MAST2: variants seen among roughly 807,000 people sequenced by gnomAD.
MAST2 encodes the protein microtubule-associated serine/threonine-protein kinase 2.
Under a neutral mutation model 147.4 loss-of-function variants are expected in MAST2, and 70 were observed. The observed-to-expected ratio is 0.47, with a 90% CI of 0.39 to 0.58. The LOEUF is 0.58. Among genes scored for constraint, MAST2 ranks in the 20% least tolerant of loss-of-function variants. MAST2 has a pLI of 0.00. For synonymous variants in MAST2, 869 were observed against 896.8 expected (o/e 0.97, Z 0.55); for missense variants, 2,080 against 2,302.3 (o/e 0.90, Z 1.98).
chr1:45,971,471 A>G (rs1643910241), intron 5 of MAST2, among the ~76,000 whole-genome samples: 1 of 152,210 alleles, frequency 6.6e-6, no homozygotes, highest in African/African-American at 2.4e-5. Context: ...AAGGCTGTGG[A>G]AAGGTGTCTG....
At chr1:45,885,949 G>T (rs1647061964) in intron 4 of MAST2, among the ~76,000 whole-genome samples, 1 of 151,972 alleles carries the variant, frequency 6.6e-6, no homozygotes, top group Non-Finnish European at 1.5e-5. Flanking sequence ...GGGGGTGAGG[G>T]TTTAAATTTT....
intron 1 of MAST2, among the ~76,000 whole-genome samples, chr1:45,805,142 T>C (rs1025921726): frequency 5.9e-5 from 9 of 151,266 alleles, no homozygotes; most frequent in Non-Finnish European, 1.0e-4. Flanking sequence ...CTCCACCTCC[T>C]GGGTTCAGCG....
chr1:46,023,834 A>G lies in MAST2; in HGVS notation c.1634A>G (p.Lys545Arg). ...RQRFAMKKIN[K>R]QNLILRNQIQ... ...CGCTTTGCCATGAAGAAGATCAACA[A>G]GCAGAACCTGATCCTACGGAACCAG... Residue 545 changes from lysine (K) to arginine (R), a missense_variant, in exon 15 of 29, where the codon AAG becomes AGG. Lys to Arg is a conservative substitution (Grantham distance 26, BLOSUM62 2). This residue lies in a region of MAST2 where 569 missense variants were observed against 642.5 expected (regional missense o/e 0.89). Transcript: ENST00000361297. The surrounding 1 kb of genome is among the most constrained non-coding windows in gnomAD (Gnocchi z 4.9). 6.2e-7 allele frequency: 1 copy of G among 1,614,122 alleles called. No individual in the cohort carries two copies. The highest frequency in any genetic ancestry group is 8.5e-7 in the Non-Finnish European group (1 of 1,180,028).
At chr1:45,894,706 C>T (rs2148429866) in intron 4 of MAST2, among the ~76,000 whole-genome samples, 1 of 152,302 alleles carries the variant, frequency 6.6e-6, no homozygotes. Context: ...AGCCAAAATT[C>T]ACATTCCGAG....
chr1:45,997,590 CAT>C (rs1368945611), intron 5 of MAST2, 132 bp from the exon 6 acceptor site: 2 of 697,766 alleles, frequency 2.9e-6, no homozygotes, highest in African/African-American at 3.6e-5. Context: ...GAAAGAGACT[CAT>C]TAAACTGATA....
At chr1:45,903,716 T>A (rs1201461658) in intron 4 of MAST2, among the ~76,000 whole-genome samples, 1 of 152,170 alleles carries the variant, frequency 6.6e-6, no homozygotes, top group African/African-American at 2.4e-5. Context: ...TGACCGAACA[T>A]GTGGTCAATT....
intron 10 of MAST2, among the ~76,000 whole-genome samples, chr1:46,012,338 T>C (rs1417616977): frequency 6.6e-6 from 1 of 152,168 alleles, no homozygotes; most frequent in East Asian, 1.9e-4. Context: ...TGACTGCTTG[T>C]GTGGTTAGGT....
At chr1:46,015,523 A>G (rs575785928) in intron 10 of MAST2, among the ~76,000 whole-genome samples, 1 of 152,358 alleles carries the variant, frequency 6.6e-6, no homozygotes, top group South Asian at 2.1e-4. Context: ...AATACAAACT[A>G]CCATCAGAGA....
chr1:45,818,738 A>C (rs964499012), intron 1 of MAST2, among the ~76,000 whole-genome samples: 1 of 152,184 alleles, frequency 6.6e-6, no homozygotes, highest in Non-Finnish European at 1.5e-5. Flanking sequence ...ACTGCACTGT[A>C]CAGTTGTTAG....
Position 46,023,600 on chromosome 1 carries a change from A to C in MAST2, c.1572-172A>C. The C allele has an allele frequency of 1.5e-6, 1 of 646,736 alleles. No homozygotes were observed. Among genetic ancestry groups the C allele is most frequent in the East Asian group, 2.7e-5 (1 of 36,628 alleles). The allele number at this position is 646,736 out of a possible 1,614,324, so 40.1% of individuals were successfully genotyped here. A position where few individuals can be genotyped will look rare whatever the true frequency, so the allele number is the denominator to read the frequency against. On this transcript the variant is annotated intron_variant, in intron 14 of 28. Transcript: ENST00000361297. The surrounding 1 kb of genome is among the most constrained non-coding windows in gnomAD (Gnocchi z 4.9). Reference sequence around the variant, plus strand: ...GTCATCAGGACATGGTCTATCAAGAAGTTTAAGAGTTCTATGGACCAGGGG... The same window carrying C: ...GTCATCAGGACATGGTCTATCAAGACGTTTAAGAGTTCTATGGACCAGGGG...
intron 4 of MAST2, among the ~76,000 whole-genome samples, chr1:45,911,602 T>G (rs1225754929): frequency 3.3e-5 from 5 of 152,162 alleles, no homozygotes; most frequent in African/African-American, 1.2e-4. Flanking sequence ...ATAATTCATA[T>G]ATAGGTAACC....
intron 3 of MAST2, among the ~76,000 whole-genome samples, chr1:45,838,591 AT>A (rs956313936): frequency 2.6e-5 from 4 of 151,870 alleles, no homozygotes; most frequent in East Asian, 1.9e-4. Context: ...TTAAAAAAAA[AT>A]TTTTTTTGTC....
chr1:45,824,924 C>T (rs576558656), intron 2 of MAST2, among the ~76,000 whole-genome samples: 5 of 152,294 alleles, frequency 3.3e-5, no homozygotes, highest in South Asian at 4.1e-4. Context: ...TGGCCTCTAC[C>T]GCCTTCAAAG....
At chr1:45,852,419 T>C (rs1645651919) in intron 3 of MAST2, among the ~76,000 whole-genome samples, 1 of 152,070 alleles carries the variant, frequency 6.6e-6, no homozygotes. Context: ...TGGAGTGTGG[T>C]TTTGCAGTCA....
intron 4 of MAST2, among the ~76,000 whole-genome samples, chr1:45,920,174 A>G (rs1307879839): frequency 6.6e-6 from 1 of 152,192 alleles, no homozygotes; most frequent in East Asian, 1.9e-4. Context: ...GTGAGCCCTG[A>G]AGAGGGTACC....
At chr1:45,932,663 ACT>A (rs775451187) in intron 4 of MAST2, among the ~76,000 whole-genome samples, 9 of 151,902 alleles carry the variant, frequency 5.9e-5, no homozygotes, top group Non-Finnish European at 1.3e-4. Flanking sequence ...ACAGAGTGAG[ACT>A]CTGTCTTTCA....
intron 4 of MAST2, among the ~76,000 whole-genome samples, chr1:45,953,421 A>G (rs1226884013): frequency 2.0e-5 from 3 of 152,228 alleles, no homozygotes; most frequent in African/African-American, 7.2e-5. Context: ...TGCCCTGTGT[A>G]CTATTTCTAG....
At chr1:46,034,379 G>A (rs1385600582) in intron 28 of MAST2, 113 bp downstream of exon 28, 4 of 1,366,768 alleles carry the variant, frequency 2.9e-6, no homozygotes, top group Admixed American at 5.3e-5. Flanking sequence ...CCCACCCCCT[G>A]AAAGATCCTG....
chr1:45,866,230 T>C (rs1185790536), intron 3 of MAST2, among the ~76,000 whole-genome samples: 2 of 152,242 alleles, frequency 1.3e-5, no homozygotes, highest in Non-Finnish European at 2.9e-5. Context: ...ACTGAATCTT[T>C]AGCAGTTGAC....
Sources: gnomAD v4.1 joint callset for allele counts (sites outside exome capture counted in the v4.1 genomes callset) on GRCh38, gnomAD v4.1.1 for gene constraint, gnomAD v4.1.1 regional missense constraint, Gnocchi (gnomAD v3.1) non-coding constraint, MANE v1.5 for transcripts, NCBI Gene and HGNC (gene_info 2026-07-23, HGNC 2026-07-21) for gene names.